Variants in CCND1 observed in about 807,000 individuals in gnomAD.
The protein encoded by CCND1 is G1/S-specific cyclin-D1.
CCND1 carries 9 observed loss-of-function variants against 26.1 expected under a neutral mutation model. The observed-to-expected ratio is 0.35, with a 90% CI of 0.21 to 0.60. The LOEUF is 0.60. Among genes scored for constraint, CCND1 ranks in the 20% least tolerant of loss-of-function variants. The pLI is 0.79. For synonymous variants in CCND1, 194 were observed against 166.1 expected, an observed-to-expected ratio of 1.17 and a Z score of -1.29; for missense variants, 335 against 392.9, an observed-to-expected ratio of 0.85 and a Z score of 1.25.
rs1022409854 is a variant in CCND1, at chr11:69,654,351, G to T, written c.*3069G>T. On this transcript the variant is annotated 3_prime_UTR_variant, in exon 5 of 5. Coordinates refer to ENST00000227507, the MANE Select transcript of CCND1 (RefSeq NM_053056.3). The surrounding 1 kb of genome is among the most constrained non-coding windows in gnomAD (Gnocchi z 6.3). ...AGTCTGAGGGTCTGGGCGGCGGGCG[G>T]CTGGGTCTGTGCATTTCTGGTTGCA... The T allele has an allele frequency of 4.3e-6, 3 of 702,530 alleles. No homozygotes were observed. The highest frequency in any genetic ancestry group is 2.0e-5 in the Admixed American group (1 of 50,010). 43.5% of individuals were successfully genotyped at this position (702,530 alleles called of 1,614,324 possible).
At chr11:69,650,549 G>A (rs564936777) in intron 4 of CCND1, among the ~76,000 whole-genome samples, 2 of 152,324 alleles carry the variant, frequency 1.3e-5, no homozygotes, top group African/African-American at 2.4e-5. Context: ...GGCTGGCCCC[G>A]GGGCACAGGC....
chr11:69,651,388 G>A lies in CCND1; in HGVS notation c.*106G>A. 1 of 975,004 alleles carries A rather than the reference G, an allele frequency of 1.0e-6. No homozygotes were observed. The highest frequency in any genetic ancestry group is 1.4e-6 in the Non-Finnish European group (1 of 714,442). 60.4% of individuals were successfully genotyped at this position (975,004 alleles called of 1,614,324 possible). On this transcript the variant is annotated 3_prime_UTR_variant, in exon 5 of 5. Transcript: ENST00000227507. ...CTCCGGAGCATTTTGATACCAGAAGGGAAAGCTTCATTCTCCTTGTTGTTG... is the reference window on the plus strand; with the variant it reads ...CTCCGGAGCATTTTGATACCAGAAGAGAAAGCTTCATTCTCCTTGTTGTTG...
At chr11:69,650,187 C>T (rs1445892044) in intron 4 of CCND1, among the ~76,000 whole-genome samples, 1 of 152,228 alleles carries the variant, frequency 6.6e-6, no homozygotes, top group African/African-American at 2.4e-5. Context: ...GTTTCCTGGG[C>T]TGCCTAGAGA....
Position 69,653,516 on chromosome 11 carries a change from C to T in CCND1, c.*2234C>T. 1.8e-6 allele frequency: 1 copy of T among 561,846 alleles called. No individual in the cohort carries two copies. Among genetic ancestry groups the T allele is most frequent in the South Asian group, 2.3e-5 (1 of 43,942 alleles). 34.8% of individuals were successfully genotyped at this position (561,846 alleles called of 1,614,324 possible). A position where few individuals can be genotyped will look rare whatever the true frequency, so the allele number is the denominator to read the frequency against. ...CACAATACCTCATGCTTCACTTAGC[C>T]ATGGTGGACCCAGCGGGCAGGTTCT... On this transcript the variant is annotated 3_prime_UTR_variant, in exon 5 of 5. Transcript: ENST00000227507.
Position 69,651,165 on chromosome 11 carries a change from A to C in CCND1, c.771A>C (p.Ser257=). 6.2e-7 allele frequency: 1 copy of C among 1,612,594 alleles called. No homozygotes were observed. Among genetic ancestry groups the C allele is most frequent in the Non-Finnish European group, 8.5e-7 (1 of 1,179,212 alleles). The change falls in exon 5 of 5, where the codon TCA becomes TCC. Residue 257 remains serine, a synonymous_variant. Transcript: ENST00000227507. ...CQEQIEALLE[S]SLRQAQQNMD... Reference sequence around the variant, plus strand: ...AGCAGATCGAAGCCCTGCTGGAGTCAAGCCTGCGCCAGGCCCAGCAGAACA... The same window carrying C: ...AGCAGATCGAAGCCCTGCTGGAGTCCAGCCTGCGCCAGGCCCAGCAGAACA...
rs770021448 is a variant in CCND1, at chr11:69,651,206, C to A, written c.812C>A (p.Ala271Asp). 14 of 1,606,234 alleles carry A rather than the reference C, an allele frequency of 8.7e-6. No homozygotes were observed. The highest frequency in any genetic ancestry group is 1.2e-5 in the Non-Finnish European group (14 of 1,175,670). ...CAGCAGAACATGGACCCCAAGGCCG[C>A]CGAGGAGGAGGAAGAGGAGGAGGAG... ...QAQQNMDPKAAEEEEEEEEEV... is the reference protein window; with the variant it reads ...QAQQNMDPKADEEEEEEEEEV... The change falls in exon 5 of 5, where the codon GCC becomes GAC. Residue 271 changes from alanine (A) to aspartate (D), a missense_variant. By Grantham distance (126) the Ala-to-Asp change is moderately radical (BLOSUM62 -2). Transcript: ENST00000227507.
intron 1 of CCND1, among the ~76,000 whole-genome samples, chr11:69,642,018 C>T (rs1174233793): frequency 9.2e-6 from 1 of 108,698 alleles, no homozygotes; most frequent in Non-Finnish European, 1.9e-5. Context: ...TAATTGGGGG[C>T]AGGGTGGGGG....
chr11:69,645,281 G>T (rs1054818118), intron 3 of CCND1, among the ~76,000 whole-genome samples: 1 of 152,194 alleles, frequency 6.6e-6, no homozygotes, highest in African/African-American at 2.4e-5. Context: ...AGCTGAAAGT[G>T]GCTTCAGAGA....
intron 4 of CCND1, among the ~76,000 whole-genome samples, chr11:69,649,631 C>T (rs1855830190): frequency 6.6e-6 from 1 of 152,248 alleles, no homozygotes; most frequent in Non-Finnish European, 1.5e-5. Context: ...GAGGAGCGTG[C>T]TGCCTTTTTG....
chr11:69,643,713 G>C, intron 2 of CCND1, 119 bp from the exon 3 acceptor site: 1 of 903,194 alleles, frequency 1.1e-6, no homozygotes, highest in Non-Finnish European at 1.7e-6. Flanking sequence ...CGCACGAGAC[G>C]CAGGGGCCAG....
rs374256592 is a variant in CCND1, at chr11:69,653,671, C to T, written c.*2389C>T. The T allele has an allele frequency of 6.3e-5, 22 of 350,628 alleles. No homozygotes were observed. In the South Asian group the frequency reaches 6.8e-4, roughly 11 times the overall value. The allele number at this position is 350,628 out of a possible 1,614,324, so 21.7% of individuals were successfully genotyped here. ...GGCTGTGTCCCTCTTCTCTTCCCTG[C>T]GCCTGTGATGCTGGGCACTTCATCT... On this transcript the variant is annotated 3_prime_UTR_variant, in exon 5 of 5. Transcript: ENST00000227507.
At chr11:69,650,447 G>A (rs1369562687) in intron 4 of CCND1, among the ~76,000 whole-genome samples, 3 of 152,226 alleles carry the variant, frequency 2.0e-5, no homozygotes, top group African/African-American at 7.2e-5. Context: ...GAGGGTGGAG[G>A]TGCAGGACTT....
At chr11:69,643,679 G>A (rs1590913484) in intron 2 of CCND1, 153 bp from the exon 3 acceptor site, 2 of 655,858 alleles carry the variant, frequency 3.0e-6, no homozygotes, top group East Asian at 5.6e-5. Flanking sequence ...GCATTCGCCA[G>A]CCCTCCCCTC....
chr11:69,654,128 C>CCCCCCCCCCCCCA lies in CCND1; in HGVS notation c.*2847_*2848insCCCCCCCCCCCAC. On this transcript the variant is annotated 3_prime_UTR_variant, in exon 5 of 5. Transcript: ENST00000227507. This position sits in a 1 kb window ranked among gnomAD's most constrained non-coding sequence, Gnocchi z 6.3. ...ATCTCGGGCACAGGCCCACCCCGCCCCACCCCTCCAGAACACGGCTCACGC... is the reference window on the plus strand; with the variant it reads ...ATCTCGGGCACAGGCCCACCCCGCCCCCCCCCCCCCCCACACCCCTCCAGAACACGGCTCACGC... 1 of 670,146 alleles carries CCCCCCCCCCCCCA rather than the reference C, an allele frequency of 1.5e-6. No homozygotes were observed. The allele number at this position is 670,146 out of a possible 1,614,324, so 41.5% of individuals were successfully genotyped here.
chr11:69,648,440 A>G (rs1334922418), intron 4 of CCND1, among the ~76,000 whole-genome samples: 4 of 152,260 alleles, frequency 2.6e-5, no homozygotes, highest in East Asian at 3.9e-4. Context: ...GCCCCAGCCA[A>G]TGGTCTGTGT....
chr11:69,644,122 C>T (rs780480931), intron 3 of CCND1, 131 bp downstream of exon 3: 12 of 866,934 alleles, frequency 1.4e-5, no homozygotes, highest in East Asian at 2.6e-5. Context: ...CGCTGGAGAG[C>T]GCTCTTCCAG....
intron 4 of CCND1, among the ~76,000 whole-genome samples, chr11:69,649,879 C>A (rs2120115500): frequency 6.6e-6 from 1 of 152,314 alleles, no homozygotes; most frequent in Admixed American, 6.5e-5. Context: ...TGTATCTCAC[C>A]CCAGGCCTCT....
Position 69,651,207 on chromosome 11 carries a change from C to T in CCND1, c.813C>T (p.Ala271=), listed in dbSNP as rs550366076. ...QAQQNMDPKA[A]EEEEEEEEEV... is the part of the protein sequence containing the mutation. ...AGCAGAACATGGACCCCAAGGCCGC[C>T]GAGGAGGAGGAAGAGGAGGAGGAGG... The change falls in exon 5 of 5, where the codon GCC becomes GCT. Residue 271 remains alanine, a synonymous_variant. Transcript: ENST00000227507. The T allele has an allele frequency of 1.8e-4, 297 of 1,606,180 alleles. 5 individuals carry two copies. The South Asian group carries it at 3.0e-3, about 16-fold the overall frequency.
chr11:69,642,419 G>A (rs1299493590), intron 1 of CCND1, among the ~76,000 whole-genome samples: 1 of 151,580 alleles, frequency 6.6e-6, no homozygotes, highest in Non-Finnish European at 1.5e-5. Context: ...AACGCCGCCC[G>A]CGCCCAGGGG....
Sources: allele counts gnomAD v4.1 joint callset (sites outside exome capture counted in the v4.1 genomes callset), GRCh38; gene constraint gnomAD v4.1.1; non-coding constraint Gnocchi (gnomAD v3.1); transcripts MANE v1.5; gene names NCBI Gene and HGNC (gene_info 2026-07-23, HGNC 2026-07-21).